Variants in PKNOX1 observed in about 807,000 individuals in gnomAD.
PKNOX1 encodes the protein homeobox protein PKNOX1.
A neutral mutation model predicts 51.9 loss-of-function variants in PKNOX1; 15 were observed. The observed-to-expected ratio is 0.29, with a 90% CI of 0.19 to 0.45. The LOEUF (loss-of-function observed/expected upper bound fraction) is 0.45, where lower values mean the gene tolerates loss of function less well. PKNOX1 is among the 20% of genes least tolerant of loss of function. PKNOX1 has a pLI of 1.00. For missense variants in PKNOX1, 462 were observed against 547.5 expected, an observed-to-expected ratio of 0.84 and a Z score of 1.56; for synonymous variants, 219 against 211.1, an observed-to-expected ratio of 1.04 and a Z score of -0.32.
chr21:42,988,404 A>G (rs2059067551), intron 1 of PKNOX1, among the ~76,000 whole-genome samples: 1 of 152,192 alleles, frequency 6.6e-6, no homozygotes, highest in Non-Finnish European at 1.5e-5. Flanking sequence ...AAATGGAATC[A>G]AATAGCAGAA....
chr21:42,998,549 G>A (rs1306295877), intron 1 of PKNOX1, among the ~76,000 whole-genome samples: 2 of 152,182 alleles, frequency 1.3e-5, no homozygotes, highest in African/African-American at 2.4e-5. Flanking sequence ...CCATGTATGA[G>A]CCTGTAAAAT....
intron 1 of PKNOX1, 159 bp from the exon 2 acceptor site, chr21:43,004,167 G>A: frequency 5.0e-6 from 2 of 398,660 alleles, no homozygotes; most frequent in Non-Finnish European, 9.5e-6. Context: ...AACCTGGGAG[G>A]CGGAGGTTGA....
chr21:43,021,581 C>T lies in PKNOX1; in HGVS notation c.849+150C>T. Reference sequence around the variant, plus strand: ...TGTGGCATGTCCATAATGTGGGGAGCGTGGGGCACTGCTGCAGGGAACTTG... The same window carrying T: ...TGTGGCATGTCCATAATGTGGGGAGTGTGGGGCACTGCTGCAGGGAACTTG... On this transcript the variant is annotated intron_variant, in intron 8 of 10. Transcript: ENST00000291547. This position sits in a 1 kb window ranked among gnomAD's most constrained non-coding sequence, Gnocchi z 4.6. 9.6e-6 allele frequency: 9 copies of T among 933,758 alleles called. No individual in the cohort carries two copies. The highest frequency in any genetic ancestry group is 5.5e-5 in the South Asian group (3 of 54,738). The allele number at this position is 933,758 out of a possible 1,614,324, so 57.8% of individuals were successfully genotyped here.
In PKNOX1 at chr21:43,021,775, T is replaced by C. The variant is rs1233801412; in HGVS notation, c.849+344T>C. Among the ~76,000 whole-genome samples the C allele has an allele frequency of 6.6e-6, 1 of 152,178 alleles. No individual in the cohort carries two copies. The highest frequency in any genetic ancestry group is 1.5e-5 in the Non-Finnish European group (1 of 68,018). On this transcript the variant is annotated intron_variant, in intron 8 of 10. Transcript: ENST00000291547. The surrounding 1 kb of genome is among the most constrained non-coding windows in gnomAD (Gnocchi z 4.6). ...GGGAAGTTGCTGTGTTTCTGTGTGT[T>C]GGATTAACAAGGAAGCTGAGATGGG...
intron 8 of PKNOX1, 37 bp from the exon 9 acceptor site, chr21:43,024,834 C>T: frequency 7.5e-7 from 1 of 1,326,242 alleles, no homozygotes; most frequent in Non-Finnish European, 1.1e-6. Flanking sequence ...CCTTTGTAAA[C>T]TCGAAGGCCA....
Position 43,016,635 on chromosome 21 carries a change from G to A in PKNOX1, c.523-273G>A, listed in dbSNP as rs548317177. Among the ~76,000 whole-genome samples, 6 of 152,334 alleles carry A rather than the reference G, an allele frequency of 3.9e-5. No individual in the cohort carries two copies. The East Asian group carries it at 9.6e-4, about 24-fold the overall frequency. On this transcript the variant is annotated intron_variant, in intron 5 of 10. Transcript: ENST00000291547. ...GATATACTCCTGGGCTGTAAGGCAC[G>A]TGGAATATGGCAGTGAGATGAAGAT... is the stretch of plus-strand genomic sequence containing the variant.
At chr21:43,028,916 G>A in intron 10 of PKNOX1, 42 bp downstream of exon 10, 2 of 1,600,544 alleles carry the variant, frequency 1.2e-6, no homozygotes, top group Non-Finnish European at 8.6e-7. Flanking sequence ...GGACCATGGG[G>A]TGGGGATTAT....
chr21:43,027,184 C>T (rs1980019192), intron 9 of PKNOX1, among the ~76,000 whole-genome samples: 1 of 152,140 alleles, frequency 6.6e-6, no homozygotes, highest in Non-Finnish European at 1.5e-5. Flanking sequence ...AAGAGGTCAA[C>T]TACTTTATCA....
chr21:42,983,237 C>T, intron 1 of PKNOX1, among the ~76,000 whole-genome samples: 1 of 152,218 alleles, frequency 6.6e-6, no homozygotes, highest in East Asian at 1.9e-4. Flanking sequence ...CACCATCTGT[C>T]TCCAGAACCC....
intron 2 of PKNOX1, 138 bp downstream of exon 2, chr21:43,004,570 TCGTGTTC>T: frequency 3.5e-6 from 2 of 571,424 alleles, no homozygotes; most frequent in African/African-American, 3.9e-5. Context: ...TATTGTACAT[TCGTGTTC>T]AGAAAAAAAG....
chr21:42,989,156 C>CT lies in PKNOX1; in HGVS notation c.-57+14504dup, dbSNP rs577968609. ...TAAAAAGGGACTGAATAATTTCCAA[C>CT]TTTTTTTTTTTTGATAAAGGGTCTC... On this transcript the variant is annotated intron_variant, in intron 1 of 10. Coordinates refer to ENST00000291547, the MANE Select transcript of PKNOX1 (RefSeq NM_004571.5). 1.4e-3 allele frequency among the ~76,000 whole-genome samples: 207 copies of CT among 146,710 alleles called. No homozygotes were observed. In the East Asian group the frequency reaches 0.015, roughly 11 times the overall value.
chr21:42,977,389 C>G (rs998736789), intron 1 of PKNOX1, among the ~76,000 whole-genome samples: 2 of 152,096 alleles, frequency 1.3e-5, no homozygotes, highest in Non-Finnish European at 2.9e-5. Flanking sequence ...TTTTTCGTCT[C>G]GCTGCCTTCA....
chr21:43,029,852 A>G (rs780954661), intron 10 of PKNOX1, 38 bp from the exon 11 acceptor site: 4 of 1,555,618 alleles, frequency 2.6e-6, no homozygotes, highest in South Asian at 1.1e-5. Context: ...TTCTGTGAGT[A>G]CTAATTTAAA....
intron 1 of PKNOX1, among the ~76,000 whole-genome samples, chr21:42,990,478 C>A (rs1446047425): frequency 6.6e-6 from 1 of 152,070 alleles, no homozygotes; most frequent in African/African-American, 2.4e-5. Flanking sequence ...AGGTGCTAAC[C>A]CCCAGACTAG....
chr21:42,991,674 C>T (rs1032020595), intron 1 of PKNOX1, among the ~76,000 whole-genome samples: 9 of 151,226 alleles, frequency 6.0e-5, no homozygotes, highest in Admixed American at 1.3e-4. Flanking sequence ...GCGGAGCTTG[C>T]GGTGAGCCAA....
intron 1 of PKNOX1, among the ~76,000 whole-genome samples, chr21:42,978,081 C>T (rs920866043): frequency 2.0e-5 from 3 of 152,176 alleles, no homozygotes; most frequent in Non-Finnish European, 4.4e-5. Context: ...TCATGGCTCA[C>T]TGCAACCTCT....
intron 1 of PKNOX1, among the ~76,000 whole-genome samples, chr21:42,990,657 A>G (rs2059082388): frequency 6.6e-6 from 1 of 152,220 alleles, no homozygotes; most frequent in Non-Finnish European, 1.5e-5. Context: ...CAGATTTACA[A>G]AAGAGAAAGG....
intron 7 of PKNOX1, among the ~76,000 whole-genome samples, chr21:43,018,869 C>G (rs901211803): frequency 2.0e-5 from 3 of 152,092 alleles, no homozygotes; most frequent in African/African-American, 7.2e-5. Flanking sequence ...GTGGACAGAT[C>G]ACGAGGTCAG....
At chr21:43,022,243 C>T (rs1568903921) in intron 8 of PKNOX1, among the ~76,000 whole-genome samples, 1 of 152,244 alleles carries the variant, frequency 6.6e-6, no homozygotes, top group Non-Finnish European at 1.5e-5. Flanking sequence ...TTCTGCACTG[C>T]ATCTGCCCTG....
Sources: gnomAD v4.1 joint callset for allele counts (sites outside exome capture counted in the v4.1 genomes callset) on GRCh38, gnomAD v4.1.1 for gene constraint, Gnocchi (gnomAD v3.1) non-coding constraint, MANE v1.5 for transcripts, NCBI Gene and HGNC (gene_info 2026-07-23, HGNC 2026-07-21) for gene names.